MAST1: variants seen among roughly 807,000 people sequenced by gnomAD.
The protein encoded by MAST1 is microtubule associated serine/threonine kinase 1.
In MAST1, 40 loss-of-function variants were observed where a neutral mutation model predicts 124.6. The ratio of observed to expected loss-of-function variants is 0.32; its 90% CI spans 0.25 to 0.42. The LOEUF is 0.42. Among genes scored for constraint, MAST1 ranks in the 10% least tolerant of loss-of-function variants. The probability of loss-of-function intolerance (pLI) is 1.00; values close to 1 mark genes in which losing one functional copy is unlikely to be tolerated. For missense variants in MAST1, 1,558 were observed against 2,181.9 expected, an observed-to-expected ratio of 0.71 and a Z score of 5.70; for synonymous variants, 938 against 939.4, an observed-to-expected ratio of 1.00 and a Z score of 0.03.
chr19:12,867,067 G>A (rs1318696701), intron 18 of MAST1, among the ~76,000 whole-genome samples: 4 of 152,190 alleles, frequency 2.6e-5, no homozygotes, highest in East Asian at 1.9e-4. Flanking sequence ...AGCGAAGGCG[G>A]AGTAAAGCCC....
chr19:12,847,671 A>G lies in MAST1; in HGVS notation c.548A>G (p.Lys183Arg). 6.2e-7 allele frequency: 1 copy of G among 1,613,620 alleles called. No homozygotes were observed. Among genetic ancestry groups the G allele is most frequent in the Non-Finnish European group, 8.5e-7 (1 of 1,179,936 alleles). Reference sequence around the variant, plus strand: ...ATCGTGATGATGAATCACGTCTACAAGGAGAGGTTCCCGAAGGTGAGGTGG... The same window carrying G: ...ATCGTGATGATGAATCACGTCTACAGGGAGAGGTTCCCGAAGGTGAGGTGG... ...NEIVMMNHVYKERFPKATAQM... is the reference protein window; with the variant it reads ...NEIVMMNHVYRERFPKATAQM... The change falls in exon 6 of 26, where the codon AAG becomes AGG. Residue 183 changes from lysine to arginine, a missense_variant. Physicochemically the swap from Lys to Arg is conservative, Grantham distance 26 (BLOSUM62 2). Transcript: ENST00000251472. This position sits in a 1 kb window ranked among gnomAD's most constrained non-coding sequence, Gnocchi z 5.5.
chr19:12,845,865 G>C (rs1179894091), intron 4 of MAST1, among the ~76,000 whole-genome samples: 1 of 151,956 alleles, frequency 6.6e-6, no homozygotes. Flanking sequence ...CACCCTGTTG[G>C]CCAGGCTGGT....
In MAST1 at chr19:12,843,445, C is replaced by A; in HGVS notation, c.249-84C>A. 1 of 1,054,608 alleles carries A rather than the reference C, an allele frequency of 9.5e-7. No homozygotes were observed. The highest frequency in any genetic ancestry group is 1.4e-6 in the Non-Finnish European group (1 of 692,768). The allele number at this position is 1,054,608 out of a possible 1,614,324, so 65.3% of individuals were successfully genotyped here. A position where few individuals can be genotyped will look rare whatever the true frequency, so the allele number is the denominator to read the frequency against. On this transcript the variant is annotated intron_variant, in intron 3 of 25. Coordinates refer to ENST00000251472, the MANE Select transcript of MAST1 (RefSeq NM_014975.3). This position sits in a 1 kb window ranked among gnomAD's most constrained non-coding sequence, Gnocchi z 4.9. ...TATTCCCCCAACCCCCACCCTGGCC[C>A]TGGCCAGTGGCTTCACCCACACCCT...
Position 12,840,531 on chromosome 19 carries a change from C to A in MAST1, c.169C>A (p.Leu57Ile). The change falls in exon 2 of 26, where the codon CTA becomes ATA. Residue 57 changes from leucine (L) to isoleucine (I), a missense_variant. By Grantham distance (5) the Leu-to-Ile change is conservative. This residue lies in a region of MAST1 where 57 missense variants were observed against 35.3 expected (regional missense o/e 1.62). Coordinates refer to ENST00000251472, the MANE Select transcript of MAST1 (RefSeq NM_014975.3). Reference protein sequence around the residue: ...PRPHSPLPGHLGSSPLDSPRN... With the variant: ...PRPHSPLPGHIGSSPLDSPRN... ...ACCCCACTCCCCGCTGCCAGGTCACCTAGGTGAGGCCAGTGGTAGAGACTT... is the reference window on the plus strand; with the variant it reads ...ACCCCACTCCCCGCTGCCAGGTCACATAGGTGAGGCCAGTGGTAGAGACTT... The A allele has an allele frequency of 6.2e-7, 1 of 1,612,636 alleles. No individual in the cohort carries two copies. Among genetic ancestry groups the A allele is most frequent in the Non-Finnish European group, 8.5e-7 (1 of 1,178,830 alleles).
In MAST1 at chr19:12,840,982, C is replaced by G. The variant is rs372254200; in HGVS notation, c.173-9C>G. ...ACCTGACAGGATTTGCCCCCTCTTT[C>G]TCTCATAGGCAGCAGTCCCCTGGAC... On this transcript the variant is annotated splice_polypyrimidine_tract_variant and intron_variant, in intron 2 of 25. Transcript: ENST00000251472. 1.5e-4 allele frequency: 170 copies of G among 1,127,978 alleles called. No homozygotes were observed. Among genetic ancestry groups the G allele is most frequent in the Non-Finnish European group, 2.1e-4 (151 of 735,208 alleles). 69.9% of individuals were successfully genotyped at this position (1,127,978 alleles called of 1,614,324 possible). A position where few individuals can be genotyped will look rare whatever the true frequency, so the allele number is the denominator to read the frequency against.
chr19:12,871,174 TG>T lies in MAST1; in HGVS notation c.3263+5del. 1 of 1,613,528 alleles carries T rather than the reference TG, an allele frequency of 6.2e-7. No homozygotes were observed. Among genetic ancestry groups the T allele is most frequent in the Non-Finnish European group, 8.5e-7 (1 of 1,179,892 alleles). ...CTCCGCCAAGGAGGGCCAGGAGAGG[TG>T]GGCACAGCCGTAAACAGCCTGGTCT... is the stretch of plus-strand genomic sequence containing the variant. On this transcript the variant is annotated splice_donor_region_variant and intron_variant, in intron 24 of 25. Transcript: ENST00000251472.
chr19:12,873,748 G>A lies in MAST1; in HGVS notation c.3591G>A (p.Lys1197=). 6.2e-7 allele frequency: 1 copy of A among 1,601,906 alleles called. No individual in the cohort carries two copies. Among genetic ancestry groups the A allele is most frequent in the South Asian group, 1.1e-5 (1 of 90,860 alleles). ...LHRQYRSARC[K]SAGNIPLSPL... is the part of the protein sequence containing the mutation. ...GCCAGTACCGCTCTGCGCGATGCAA[G>A]TCGGCCGGCAACATCCCTCTATCGC... The change falls in exon 26 of 26, where the codon AAG becomes AAA. Residue 1197 remains lysine, a synonymous_variant. Coordinates refer to ENST00000251472, the MANE Select transcript of MAST1 (RefSeq NM_014975.3).
chr19:12,853,429 C>T (rs1969986307), intron 10 of MAST1, among the ~76,000 whole-genome samples: 2 of 150,908 alleles, frequency 1.3e-5, no homozygotes, highest in African/African-American at 4.9e-5. Context: ...GGTGGTGCAC[C>T]CCTGTAGTCC....
Position 12,847,875 on chromosome 19 carries a change from C to T in MAST1, c.592C>T (p.Arg198Cys), listed in dbSNP as rs1442480401. Residue 198 changes from arginine to cysteine, a missense_variant, in exon 7 of 26, where the codon CGC (arginine) becomes TGC (cysteine). Arg to Cys is a radical substitution (Grantham distance 180). Transcript: ENST00000251472. This position sits in a 1 kb window ranked among gnomAD's most constrained non-coding sequence, Gnocchi z 5.5. ...KATAQMEEKL[R>C]DFTRAYEPDS... ...CACTGCGCAGATGGAGGAGAAGCTG[C>T]GCGACTTTACCCGCGCCTACGAACC... is the stretch of plus-strand genomic sequence containing the variant. 6.2e-7 allele frequency: 1 copy of T among 1,612,198 alleles called. No homozygotes were observed. Among genetic ancestry groups the T allele is most frequent in the East Asian group, 2.2e-5 (1 of 44,818 alleles).
intron 18 of MAST1, 142 bp from the exon 19 acceptor site, chr19:12,867,332 G>T (rs1460866766): frequency 3.3e-6 from 3 of 903,824 alleles, no homozygotes; most frequent in Non-Finnish European, 5.3e-6. Context: ...AGAATTGTAG[G>T]TTGGGGGATC....
intron 10 of MAST1, 117 bp from the exon 11 acceptor site, chr19:12,858,245 A>C: frequency 1.1e-6 from 1 of 869,746 alleles, no homozygotes; most frequent in Non-Finnish European, 1.8e-6. Context: ...TCATTATGGC[A>C]CTTGGATGAA....
chr19:12,849,130 G>T lies in MAST1; in HGVS notation c.774+1073G>T, dbSNP rs115934951. Among the ~76,000 whole-genome samples the T allele has an allele frequency of 3.8e-3, 576 of 152,198 alleles. 7 individuals carry two copies. Among genetic ancestry groups the T allele is most frequent in the African/African-American group, 0.013 (555 of 41,512 alleles). ...CAATGTCAGCCCCATAGTTGGTGAG[G>T]GTGGGGGGGTGGAGTTGTCTGTTCT... On this transcript the variant is annotated intron_variant, in intron 7 of 25. Coordinates refer to ENST00000251472, the MANE Select transcript of MAST1 (RefSeq NM_014975.3).
At chr19:12,861,941 T>C (rs1444312248) in intron 12 of MAST1, among the ~76,000 whole-genome samples, 1 of 150,850 alleles carries the variant, frequency 6.6e-6, no homozygotes, top group Non-Finnish European at 1.5e-5. Flanking sequence ...CACCTCATGA[T>C]CTGTCTGCCT....
Position 12,847,249 on chromosome 19 carries a change from G to A in MAST1, c.328-41G>A, listed in dbSNP as rs772678695. 1.4e-6 allele frequency: 2 copies of A among 1,418,822 alleles called. No homozygotes were observed. Among genetic ancestry groups the A allele is most frequent in the East Asian group, 2.3e-5 (1 of 43,938 alleles). The allele number at this position is 1,418,822 out of a possible 1,614,324, so 87.9% of individuals were successfully genotyped here. ...GCTCAGGGTCCTGAGCTGTTGGGGG[G>A]CCCATGGTGGCTCTGACCCCGGCCC... On this transcript the variant is annotated intron_variant, in intron 4 of 25. Transcript: ENST00000251472. The surrounding 1 kb of genome is among the most constrained non-coding windows in gnomAD (Gnocchi z 5.5).
Position 12,838,585 on chromosome 19 carries a change from C to G in MAST1, c.13C>G (p.Leu5Val), listed in dbSNP as rs750159473. 9 of 1,608,878 alleles carry G rather than the reference C, an allele frequency of 5.6e-6. No homozygotes were observed. The change falls in exon 1 of 26, where the codon CTC (leucine) becomes GTC (valine). Residue 5 changes from leucine (L) to valine (V), a missense_variant. Transcript: ENST00000251472. The surrounding 1 kb of genome is among the most constrained non-coding windows in gnomAD (Gnocchi z 4.3). ...CCGCCGCCGGGTCATGTCTGACTCT[C>G]TCTGGACCGCGCTTTCTAATTTCTC... Reference protein sequence around the residue: MSDSLWTALSNFSMP... With the variant: MSDSVWTALSNFSMP...
At position 12,857,967 on chromosome 19, in the gene MAST1, A is replaced by G. The variant is rs888488481; in HGVS notation, c.1078-395A>G. Among the ~76,000 whole-genome samples, 11 of 137,420 alleles carry G rather than the reference A, an allele frequency of 8.0e-5. No homozygotes were observed. In the Admixed American group the frequency reaches 8.3e-4, roughly 10 times the overall value. The allele number at this position is 137,420 out of a possible 152,430, so 90.2% of individuals were successfully genotyped here. A position where few individuals can be genotyped will look rare whatever the true frequency, so the allele number is the denominator to read the frequency against. On this transcript the variant is annotated intron_variant, in intron 10 of 25. Transcript: ENST00000251472. ...AGAGGTGGAGGCTGCAGTGAGCACC[A>G]CTACACTCCAGTCTGAATATCAGAG...
chr19:12,855,507 C>A (rs1002364282), intron 10 of MAST1, among the ~76,000 whole-genome samples: 2 of 152,142 alleles, frequency 1.3e-5, no homozygotes, highest in African/African-American at 2.4e-5. Context: ...TGTGGTGGAA[C>A]CAGCTGAGTG....
chr19:12,853,257 C>G (rs2145896404), intron 10 of MAST1, among the ~76,000 whole-genome samples: 1 of 151,842 alleles, frequency 6.6e-6, no homozygotes, highest in Middle Eastern at 3.4e-3. Context: ...AGGCATGAGC[C>G]ACCGCGCCCG....
Position 12,867,939 on chromosome 19 carries a change from A to G in MAST1, c.2528A>G (p.Gln843Arg). The change falls in exon 20 of 26, where the codon CAA (glutamine) becomes CGA (arginine). Residue 843 changes from glutamine (Q) to arginine (R), a missense_variant. By Grantham distance (43) the Gln-to-Arg change is conservative. This residue lies in a region of MAST1 where 287 missense variants were observed against 308.0 expected (regional missense o/e 0.93). Transcript: ENST00000251472. The stretch of plus-strand genomic sequence containing the variant: ...GCACGGGCCCCCAAAGAGGAGACTC[A>G]AGGGGAAGGCACCTCCAGCGCCGGG... ...LDARAPKEET[Q>R]GEGTSSAGDS... The G allele has an allele frequency of 6.3e-7, 1 of 1,583,924 alleles. No individual in the cohort carries two copies. The highest frequency in any genetic ancestry group is 8.6e-7 in the Non-Finnish European group (1 of 1,166,864).
Sources: gnomAD v4.1 joint callset for allele counts (sites outside exome capture counted in the v4.1 genomes callset) on GRCh38, gnomAD v4.1.1 for gene constraint, gnomAD v4.1.1 regional missense constraint, Gnocchi (gnomAD v3.1) non-coding constraint, MANE v1.5 for transcripts, NCBI Gene and HGNC (gene_info 2026-07-23, HGNC 2026-07-21) for gene names.